Variants in PIEZO2 observed in about 807,000 individuals in gnomAD.
PIEZO2 encodes piezo type mechanosensitive ion channel component 2, also known as piezo-type mechanosensitive ion channel component 2.
A neutral mutation model predicts 337.3 loss-of-function variants in PIEZO2; 172 were observed. The observed-to-expected ratio is 0.51, with a 90% confidence interval of 0.45 to 0.58. The LOEUF (loss-of-function observed/expected upper bound fraction) is 0.58, where lower values mean the gene tolerates loss of function less well. PIEZO2 is among the 20% of genes least tolerant of loss of function. PIEZO2 has a pLI of 0.00. For synonymous variants in PIEZO2, 1,251 were observed against 1,228.5 expected (o/e 1.02, Z -0.38); for missense variants, 3,028 against 3,391.3 (o/e 0.89, Z 2.66).
chr18:10,973,606 A>G lies in PIEZO2; in HGVS notation c.286+5929T>C, dbSNP rs1052033795. Among the ~76,000 whole-genome samples, 5 of 152,224 alleles carry G rather than the reference A, an allele frequency of 3.3e-5. No individual in the cohort carries two copies. Among genetic ancestry groups the G allele is most frequent in the African/African-American group, 4.8e-5 (2 of 41,464 alleles). The stretch of plus-strand genomic sequence containing the variant: ...CAGAAGTAAAGATATAGCTTGGACC[A>G]GTTTTTTAAATTGTTGTATTGAGCG... On this transcript the variant is annotated intron_variant, in intron 3 of 55. Transcript: ENST00000674853. This position sits in a 1 kb window ranked among gnomAD's most constrained non-coding sequence, Gnocchi z 4.9.
In PIEZO2 at chr18:10,759,847, G is replaced by A. The variant is rs189783837; in HGVS notation, c.3513C>T (p.His1171=). ...GQRMDFYAMI[H]ACWLIAVLYR... is the part of the protein sequence containing the mutation. ...ATAAGACAGCGATCAGCCAGCAGGC[G>A]TGGATCATGGCATAGAAATCCATTC... The change falls in exon 25 of 56, where the codon CAC becomes CAT. Residue 1171 remains histidine (H), a synonymous_variant. Coordinates refer to ENST00000674853, the MANE Select transcript of PIEZO2 (RefSeq NM_001378183.1). This position sits in a 1 kb window ranked among gnomAD's most constrained non-coding sequence, Gnocchi z 5.5. 1.1e-3 allele frequency: 1,767 copies of A among 1,537,476 alleles called. 23 individuals are homozygous for A. In the African/African-American group the frequency reaches 0.022, roughly 19 times the overall value.
chr18:10,837,535 C>T lies in PIEZO2; in HGVS notation c.917+17818G>A, dbSNP rs1332295373. Among the ~76,000 whole-genome samples, 4 of 152,164 alleles carry T rather than the reference C, an allele frequency of 2.6e-5. No homozygotes were observed. The highest frequency in any genetic ancestry group is 7.2e-5 in the African/African-American group (3 of 41,444). ...GGCCAGCAAGAAAGCTTGAGAACCA[C>T]TGGTAGATGGTATCAATATCTCTTC... On this transcript the variant is annotated intron_variant, in intron 7 of 55. Transcript: ENST00000674853. This position sits in a 1 kb window ranked among gnomAD's most constrained non-coding sequence, Gnocchi z 4.4.
chr18:10,896,235 T>C (rs1350844624), intron 4 of PIEZO2, among the ~76,000 whole-genome samples: 1 of 152,160 alleles, frequency 6.6e-6, no homozygotes, highest in East Asian at 1.9e-4. Context: ...GCAGCCTTCA[T>C]ATTACCTACC....
At chr18:11,023,169 A>G (rs2036377946) in intron 2 of PIEZO2, among the ~76,000 whole-genome samples, 1 of 152,136 alleles carries the variant, frequency 6.6e-6, no homozygotes, top group South Asian at 2.1e-4. Context: ...ACACTGTGGA[A>G]GGGGACCCGA....
intron 3 of PIEZO2, among the ~76,000 whole-genome samples, chr18:10,951,677 T>C (rs1598738188): frequency 6.6e-6 from 1 of 152,332 alleles, no homozygotes; most frequent in African/African-American, 2.4e-5. Flanking sequence ...ACTTTAATCA[T>C]TCTTTTGGGA....
Position 10,748,229 on chromosome 18 carries a change from C to A in PIEZO2, c.4424+242G>T. Among the ~76,000 whole-genome samples, 1 of 152,238 alleles carries A rather than the reference C, an allele frequency of 6.6e-6. No individual in the cohort carries two copies. Among genetic ancestry groups the A allele is most frequent in the African/African-American group, 2.4e-5 (1 of 41,544 alleles). ...GGATTCTGCAAGGGCTTCAATTGAC[C>A]AGTGAACCTCTGGCCTTCCATGGCA... On this transcript the variant is annotated intron_variant, in intron 30 of 55. Coordinates refer to ENST00000674853, the MANE Select transcript of PIEZO2 (RefSeq NM_001378183.1). The surrounding 1 kb of genome is among the most constrained non-coding windows in gnomAD (Gnocchi z 5.1).
chr18:11,080,769 G>A lies in PIEZO2; in HGVS notation c.65-14547C>T, dbSNP rs1032032512. On this transcript the variant is annotated intron_variant, in intron 1 of 55. Coordinates refer to ENST00000674853, the MANE Select transcript of PIEZO2 (RefSeq NM_001378183.1). The surrounding 1 kb of genome is among the most constrained non-coding windows in gnomAD (Gnocchi z 5.4). The stretch of plus-strand genomic sequence containing the variant: ...TGAGGCAGGAGAATCGCTTGAACTC[G>A]GGAGGCGGAGGTCACGGTGAGCCAA... 2.0e-5 allele frequency among the ~76,000 whole-genome samples: 3 copies of A among 152,146 alleles called. No individual in the cohort carries two copies. The highest frequency in any genetic ancestry group is 4.8e-5 in the African/African-American group (2 of 41,430).
intron 3 of PIEZO2, among the ~76,000 whole-genome samples, chr18:10,932,306 G>C (rs1013971411): frequency 6.6e-6 from 1 of 152,068 alleles, no homozygotes; most frequent in African/African-American, 2.4e-5. Context: ...TGAGGTGGGA[G>C]GATCAATTGA....
chr18:11,056,476 G>T (rs2037735805), intron 2 of PIEZO2, among the ~76,000 whole-genome samples: 1 of 152,206 alleles, frequency 6.6e-6, no homozygotes, highest in African/African-American at 2.4e-5. Context: ...TTCTTGATTT[G>T]CTATTTCAGA....
At chr18:10,763,202 C>A in intron 21 of PIEZO2, 104 bp from the exon 22 acceptor site, 2 of 1,264,142 alleles carry the variant, frequency 1.6e-6, no homozygotes, top group African/African-American at 1.5e-5. Context: ...TCGGCAAAAG[C>A]AGACTGGATT....
rs559427797 is a variant in PIEZO2 at position 10,982,944 on chromosome 18, C to T, written c.161-3284G>A. ...CCATGTTGGCCAGTTTGGTCTCAAA[C>T]TCCTGACCTCAAGAGATCCGCCTGC... is the stretch of plus-strand genomic sequence containing the variant. On this transcript the variant is annotated intron_variant, in intron 2 of 55. Coordinates refer to ENST00000674853, the MANE Select transcript of PIEZO2 (RefSeq NM_001378183.1). The surrounding 1 kb of genome is among the most constrained non-coding windows in gnomAD (Gnocchi z 4.1). 2.4e-4 allele frequency among the ~76,000 whole-genome samples: 37 copies of T among 152,206 alleles called. No individual in the cohort carries two copies. The highest frequency in any genetic ancestry group is 1.5e-3 in the Admixed American group (23 of 15,278).
rs1056913138 is a variant in PIEZO2, at chr18:10,853,086, C to T, written c.917+2267G>A. 2.0e-5 allele frequency among the ~76,000 whole-genome samples: 3 copies of T among 152,190 alleles called. No individual in the cohort carries two copies. The highest frequency in any genetic ancestry group is 7.2e-5 in the African/African-American group (3 of 41,442). ...TGGCGGAGTTTAACTGGTACATGACCTTGTAGGAGCATTCGGTGAGGGAAG... is the reference window on the plus strand; with the variant it reads ...TGGCGGAGTTTAACTGGTACATGACTTTGTAGGAGCATTCGGTGAGGGAAG... On this transcript the variant is annotated intron_variant, in intron 7 of 55. Coordinates refer to ENST00000674853, the MANE Select transcript of PIEZO2 (RefSeq NM_001378183.1). The surrounding 1 kb of genome is among the most constrained non-coding windows in gnomAD (Gnocchi z 4.2).
At chr18:10,817,737 C>T (rs937123145) in intron 7 of PIEZO2, among the ~76,000 whole-genome samples, 11 of 152,014 alleles carry the variant, frequency 7.2e-5, no homozygotes, top group Admixed American at 2.6e-4. Flanking sequence ...TCCTGGCTAA[C>T]ACAGTGAAAC....
rs2041942243 is a variant in PIEZO2 at position 10,863,970 on chromosome 18, G to A, written c.493-6759C>T. 6.6e-6 allele frequency among the ~76,000 whole-genome samples: 1 copy of A among 152,056 alleles called. No individual in the cohort carries two copies. Among genetic ancestry groups the A allele is most frequent in the African/African-American group, 2.4e-5 (1 of 41,408 alleles). On this transcript the variant is annotated intron_variant, in intron 5 of 55. Transcript: ENST00000674853. This position sits in a 1 kb window ranked among gnomAD's most constrained non-coding sequence, Gnocchi z 4.3. Reference sequence around the variant, plus strand: ...ATTTTCTCTTGTAGGAACCAGCTAAGTGTAGCTGTTCTAAATGATTCACCC... The same window carrying A: ...ATTTTCTCTTGTAGGAACCAGCTAAATGTAGCTGTTCTAAATGATTCACCC...
chr18:10,756,453 G>A (rs925252021), intron 27 of PIEZO2, among the ~76,000 whole-genome samples: 4 of 147,792 alleles, frequency 2.7e-5, no homozygotes, highest in Non-Finnish European at 6.0e-5. Flanking sequence ...GGGTGGTGAT[G>A]AAGAAAAGCT....
In PIEZO2 at chr18:11,069,272, G is replaced by A. The variant is rs2038257832; in HGVS notation, c.65-3050C>T. Among the ~76,000 whole-genome samples, 2 of 152,204 alleles carry A rather than the reference G, an allele frequency of 1.3e-5. No individual in the cohort carries two copies. Among genetic ancestry groups the A allele is most frequent in the East Asian group, 1.9e-4 (1 of 5,188 alleles). ...GTCCTTGATGAACACAGATGCACAA[G>A]TACTCAACAAAATGCAAGCAAACCC... is the stretch of plus-strand genomic sequence containing the variant. On this transcript the variant is annotated intron_variant, in intron 1 of 55. Transcript: ENST00000674853. The surrounding 1 kb of genome is among the most constrained non-coding windows in gnomAD (Gnocchi z 4.9).
rs62093931 is a variant in PIEZO2, at chr18:10,673,541, G to C, written c.8162-668C>G. Reference sequence around the variant, plus strand: ...TGAGGAGGGAAGCTCATTTCAGGAAGAGTGATGGGACACAGCTCAGCAAAT... The same window carrying C: ...TGAGGAGGGAAGCTCATTTCAGGAACAGTGATGGGACACAGCTCAGCAAAT... On this transcript the variant is annotated intron_variant, in intron 54 of 55. Coordinates refer to ENST00000674853, the MANE Select transcript of PIEZO2 (RefSeq NM_001378183.1). The surrounding 1 kb of genome is among the most constrained non-coding windows in gnomAD (Gnocchi z 4.8). 0.017 allele frequency among the ~76,000 whole-genome samples: 2,662 copies of C among 152,310 alleles called. 33 individuals are homozygous for C. Among genetic ancestry groups the C allele is most frequent in the Middle Eastern group, 0.071 (21 of 294 alleles).
At chr18:10,695,958 T>G (rs2035062029) in intron 47 of PIEZO2, 116 bp downstream of exon 47, 1 of 991,952 alleles carries the variant, frequency 1.0e-6, no homozygotes, top group Non-Finnish European at 1.6e-6. Flanking sequence ...GTGGTGCTGC[T>G]GTGCCAAGGC....
intron 27 of PIEZO2, among the ~76,000 whole-genome samples, chr18:10,757,396 G>A (rs920739199): frequency 2.7e-5 from 4 of 148,904 alleles, no homozygotes; most frequent in Non-Finnish European, 6.0e-5. Context: ...GATGGGGGAT[G>A]AGAATAAGTG....
Sources: allele counts gnomAD v4.1 joint callset (sites outside exome capture counted in the v4.1 genomes callset), GRCh38; gene constraint gnomAD v4.1.1; non-coding constraint Gnocchi (gnomAD v3.1); transcripts MANE v1.5; gene names NCBI Gene and HGNC (gene_info 2026-07-23, HGNC 2026-07-21).